Variants in GRM7 observed in about 807,000 individuals in gnomAD.
GRM7 encodes metabotropic glutamate receptor 7.
GRM7 carries 35 observed loss-of-function variants against 84.5 expected under a neutral mutation model. The ratio of observed to expected loss-of-function variants is 0.41; its 90% CI spans 0.32 to 0.55. The LOEUF is 0.55. Ranked by LOEUF, GRM7 falls within the 20% of genes least tolerant of loss-of-function variation. The probability of loss-of-function intolerance (pLI) is 0.19; values close to 1 mark genes in which losing one functional copy is unlikely to be tolerated. For missense variants in GRM7, 1,003 were observed against 1,194.6 expected (o/e 0.84, Z 2.36); for synonymous variants, 487 against 455.1 (o/e 1.07, Z -0.89).
intron 7 of GRM7, among the ~76,000 whole-genome samples, chr3:7,536,078 T>A (rs541540612): frequency 6.6e-6 from 1 of 152,168 alleles, no homozygotes; most frequent in Non-Finnish European, 1.5e-5. Context: ...TGTTTGTAAG[T>A]CTTTTTAACC....
chr3:7,573,166 A>T (rs1177150527), intron 7 of GRM7, among the ~76,000 whole-genome samples: 1 of 151,880 alleles, frequency 6.6e-6, no homozygotes, highest in African/African-American at 2.4e-5. Flanking sequence ...AGTATTGAAA[A>T]TTCAACATAC....
chr3:6,938,906 A>G (rs1396488053), intron 1 of GRM7, among the ~76,000 whole-genome samples: 2 of 152,212 alleles, frequency 1.3e-5, no homozygotes, highest in South Asian at 2.1e-4. Context: ...CCTTCTTATT[A>G]TAAAATGCCT....
At chr3:6,980,015 C>A (rs572222330) in intron 1 of GRM7, among the ~76,000 whole-genome samples, 1 of 152,108 alleles carries the variant, frequency 6.6e-6, no homozygotes, top group Non-Finnish European at 1.5e-5. Flanking sequence ...CAAATCTCAA[C>A]TGGAATTTTT....
chr3:6,882,849 A>C (rs1695561754), intron 1 of GRM7, among the ~76,000 whole-genome samples: 1 of 152,168 alleles, frequency 6.6e-6, no homozygotes, highest in Admixed American at 6.5e-5. Flanking sequence ...ATTTAGGTTT[A>C]CCTCTCTCTT....
At chr3:7,603,414 CT>C (rs745884840) in intron 8 of GRM7, among the ~76,000 whole-genome samples, 62 of 152,078 alleles carry the variant, frequency 4.1e-4, no homozygotes, top group Non-Finnish European at 8.1e-4. Flanking sequence ...CAGATTTCTA[CT>C]GTTTTATGAC....
chr3:7,347,261 G>C (rs1258936190), intron 4 of GRM7, among the ~76,000 whole-genome samples: 2 of 152,124 alleles, frequency 1.3e-5, no homozygotes, highest in African/African-American at 4.8e-5. Flanking sequence ...TTTCAAGGCT[G>C]CTCCTTATAA....
At chr3:7,612,199 A>G (rs980434437) in intron 8 of GRM7, among the ~76,000 whole-genome samples, 3 of 152,208 alleles carry the variant, frequency 2.0e-5, no homozygotes, top group Non-Finnish European at 2.9e-5. Flanking sequence ...CAAAGGCATC[A>G]ATACCAGCTC....
rs546749292 is a variant in GRM7 at position 7,220,344 on chromosome 3, C to T, written c.736+73676C>T. On this transcript the variant is annotated intron_variant, in intron 2 of 9. Transcript: ENST00000357716. ...ATGTTGATGCTACATTCCCTTGACA[C>T]GTTGTAATGAGCATAGCACTTTATT... 1.2e-4 allele frequency among the ~76,000 whole-genome samples: 18 copies of T among 152,252 alleles called. No homozygotes were observed. The East Asian group carries it at 2.1e-3, about 18-fold the overall frequency.
chr3:7,045,103 C>T (rs1696756733), intron 1 of GRM7, among the ~76,000 whole-genome samples: 1 of 152,102 alleles, frequency 6.6e-6, no homozygotes, highest in Admixed American at 6.6e-5. Flanking sequence ...TGCAGCCTGA[C>T]CTTGCTCATG....
chr3:7,137,125 G>A (rs1380563102), intron 1 of GRM7, among the ~76,000 whole-genome samples: 1 of 151,974 alleles, frequency 6.6e-6, no homozygotes, highest in South Asian at 2.1e-4. Context: ...ACATTTTATT[G>A]ATGAGATATG....
chr3:7,715,566 GT>G (rs1401208534), intron 9 of GRM7, among the ~76,000 whole-genome samples: 2 of 152,278 alleles, frequency 1.3e-5, no homozygotes, highest in East Asian at 3.9e-4. Context: ...AAGTGTCTGT[GT>G]TTACTAAGTA....
At chr3:7,355,977 C>G (rs1382849459) in intron 4 of GRM7, among the ~76,000 whole-genome samples, 1 of 152,114 alleles carries the variant, frequency 6.6e-6, no homozygotes, top group Non-Finnish European at 1.5e-5. Flanking sequence ...CGCTGCAGCA[C>G]TATAGCCCCT....
rs565615534 is a variant in GRM7, at chr3:7,467,174, G to A, written c.1515+5452G>A. 3.3e-5 allele frequency among the ~76,000 whole-genome samples: 5 copies of A among 152,156 alleles called. No individual in the cohort carries two copies. The South Asian group carries it at 6.2e-4, about 19-fold the overall frequency. ...GCGATCTTGGCTCACTGCAACCTCC[G>A]CCTCCCAGGTTCAAACGACTCTCAT... is the stretch of plus-strand genomic sequence containing the variant. On this transcript the variant is annotated intron_variant, in intron 7 of 9. Transcript: ENST00000357716.
At chr3:7,475,157 T>C (rs540048922) in intron 7 of GRM7, among the ~76,000 whole-genome samples, 105 of 152,306 alleles carry the variant, frequency 6.9e-4, no homozygotes, top group African/African-American at 2.5e-3. Flanking sequence ...ATGTAGTGGG[T>C]AAATACAAAG....
intron 2 of GRM7, among the ~76,000 whole-genome samples, chr3:7,149,848 G>A (rs1222454757): frequency 6.6e-6 from 1 of 152,134 alleles, no homozygotes; most frequent in African/African-American, 2.4e-5. Flanking sequence ...GAATCACAAT[G>A]GCTCCCTATA....
At chr3:6,914,088 C>A (rs1696863254) in intron 1 of GRM7, among the ~76,000 whole-genome samples, 1 of 152,150 alleles carries the variant, frequency 6.6e-6, no homozygotes, top group African/African-American at 2.4e-5. Flanking sequence ...AAAGTATCCC[C>A]ATTTCTCTGC....
At chr3:7,605,078 A>G (rs1157912964) in intron 8 of GRM7, among the ~76,000 whole-genome samples, 1 of 152,164 alleles carries the variant, frequency 6.6e-6, no homozygotes, top group African/African-American at 2.4e-5. Flanking sequence ...AATATCATGG[A>G]GTAGAGTTTT....
chr3:7,410,929 G>GAAATCCA (rs1559302912), intron 4 of GRM7, among the ~76,000 whole-genome samples: 1 of 152,158 alleles, frequency 6.6e-6, no homozygotes, highest in Non-Finnish European at 1.5e-5. Flanking sequence ...CTGGGGGCCA[G>GAAATCCA]AAATCCAAAG....
intron 2 of GRM7, among the ~76,000 whole-genome samples, chr3:7,214,439 T>C (rs563707161): frequency 6.6e-6 from 1 of 152,374 alleles, no homozygotes; most frequent in South Asian, 2.1e-4. Flanking sequence ...GAGTTCATCC[T>C]ATTGGTTTTC....
Sources: gnomAD v4.1 joint callset for allele counts (sites outside exome capture counted in the v4.1 genomes callset) on GRCh38, gnomAD v4.1.1 for gene constraint, MANE v1.5 for transcripts, NCBI Gene and HGNC (gene_info 2026-07-23, HGNC 2026-07-21) for gene names.